DPY19L1: variants seen among roughly 807,000 people sequenced by gnomAD.
DPY19L1 encodes protein C-mannosyl-transferase DPY19L1.
DPY19L1 carries 35 observed loss-of-function variants against 96.9 expected under a neutral mutation model. The observed-to-expected ratio is 0.36, with a 90% CI of 0.28 to 0.48. The LOEUF (loss-of-function observed/expected upper bound fraction) is 0.48. DPY19L1 is among the 20% of genes least tolerant of loss of function. DPY19L1 has a pLI of 0.99. For synonymous variants in DPY19L1, 205 were observed against 252.6 expected (o/e 0.81, Z 1.79); for missense variants, 521 against 777.9 (o/e 0.67, Z 3.93).
At chr7:35,004,840 T>C (rs1785514874) in intron 6 of DPY19L1, among the ~76,000 whole-genome samples, 1 of 152,164 alleles carries the variant, frequency 6.6e-6, no homozygotes, top group Non-Finnish European at 1.5e-5. Context: ...AAAGTCCAAG[T>C]AGGCAGCAGT....
In DPY19L1 at chr7:35,033,502, T is replaced by C. The variant is rs568577589; in HGVS notation, c.298+3595A>G. On this transcript the variant is annotated intron_variant, in intron 1 of 21. Coordinates refer to ENST00000638088, the MANE Select transcript of DPY19L1 (RefSeq NM_001366673.1). Reference sequence around the variant, plus strand: ...CTGACTATGAATGAACTTACTGTGCTATTTTACATGTATTATCTCATTTAT... The same window carrying C: ...CTGACTATGAATGAACTTACTGTGCCATTTTACATGTATTATCTCATTTAT... Among the ~76,000 whole-genome samples, 18 of 152,354 alleles carry C rather than the reference T, an allele frequency of 1.2e-4. No homozygotes were observed. In the South Asian group the frequency reaches 3.7e-3, roughly 32 times the overall value.
At chr7:34,955,518 A>C in intron 11 of DPY19L1, 151 bp from the exon 12 acceptor site, 1 of 1,015,536 alleles carries the variant, frequency 9.8e-7, no homozygotes, top group Non-Finnish European at 1.4e-6. Context: ...GCTCATTTCT[A>C]GAGTCAGTGA....
rs758689468 is a variant in DPY19L1, at chr7:34,945,732, G to C, written c.1495-16C>G. On this transcript the variant is annotated splice_polypyrimidine_tract_variant and intron_variant, in intron 15 of 21. Transcript: ENST00000638088. Reference sequence around the variant, plus strand: ...CACTAATAATCTGTAAATAGATTTTGAAACACTTTAGAAAAGCTGTGTTGG... The same window carrying C: ...CACTAATAATCTGTAAATAGATTTTCAAACACTTTAGAAAAGCTGTGTTGG... 1 of 1,566,636 alleles carries C rather than the reference G, an allele frequency of 6.4e-7. No homozygotes were observed. Among genetic ancestry groups the C allele is most frequent in the Non-Finnish European group, 8.7e-7 (1 of 1,146,138 alleles).
At chr7:35,014,471 A>G (rs1172916166) in intron 3 of DPY19L1, among the ~76,000 whole-genome samples, 4 of 152,120 alleles carry the variant, frequency 2.6e-5, no homozygotes, top group Admixed American at 2.6e-4. Flanking sequence ...ACAGAAACAC[A>G]AGATAAATCT....
chr7:34,987,220 C>A (rs1290565808), intron 7 of DPY19L1, among the ~76,000 whole-genome samples: 1 of 151,988 alleles, frequency 6.6e-6, no homozygotes, highest in East Asian at 1.9e-4. Context: ...TGCAAAAATT[C>A]TCAATTGTGA....
At chr7:34,998,712 T>C (rs1049934275) in intron 6 of DPY19L1, among the ~76,000 whole-genome samples, 4 of 152,214 alleles carry the variant, frequency 2.6e-5, no homozygotes, top group African/African-American at 9.6e-5. Flanking sequence ...TAAAAGCCAC[T>C]AGTCAGTTAA....
In DPY19L1 at chr7:34,929,296, G is replaced by A. The variant is rs552888011; in HGVS notation, c.*2277C>T. 1 of 152,282 alleles carries A rather than the reference G, an allele frequency of 6.6e-6. No homozygotes were observed. The highest frequency in any genetic ancestry group is 2.4e-5 in the African/African-American group (1 of 41,538). 9.4% of individuals were successfully genotyped at this position (152,282 alleles called of 1,614,324 possible). On this transcript the variant is annotated 3_prime_UTR_variant, in exon 22 of 22. Coordinates refer to ENST00000638088, the MANE Select transcript of DPY19L1 (RefSeq NM_001366673.1). ...GGATGCTCCACAGTGCTTGGGCTGC[G>A]AGCTGTGGCCACGGCTGCATAGCAG...
At chr7:34,956,777 A>G (rs1784388166) in intron 11 of DPY19L1, among the ~76,000 whole-genome samples, 1 of 152,142 alleles carries the variant, frequency 6.6e-6, no homozygotes, top group Non-Finnish European at 1.5e-5. Flanking sequence ...TGCTGGGATT[A>G]GAGGCGTGAG....
intron 10 of DPY19L1, 132 bp downstream of exon 10, chr7:34,966,762 T>A: frequency 1.1e-6 from 1 of 884,980 alleles, no homozygotes. Flanking sequence ...CTGTTGATTA[T>A]ATCACAATGT....
chr7:34,966,856 G>T (rs752152816), intron 10 of DPY19L1, 38 bp downstream of exon 10: 5 of 1,463,724 alleles, frequency 3.4e-6, no homozygotes, highest in South Asian at 1.3e-5. Flanking sequence ...GAGTTTTAAG[G>T]GCAAACTAAA....
chr7:34,948,716 C>T (rs553324964), intron 14 of DPY19L1, among the ~76,000 whole-genome samples: 385 of 152,272 alleles, frequency 2.5e-3, no homozygotes, highest in African/African-American at 9.0e-3. Flanking sequence ...GTCTTGAACC[C>T]CTATGAACAT....
intron 8 of DPY19L1, among the ~76,000 whole-genome samples, chr7:34,972,337 C>G (rs1254864553): frequency 6.6e-6 from 1 of 152,188 alleles, no homozygotes. Flanking sequence ...ACACTACCTT[C>G]TATGGTACAG....
At chr7:34,932,229 A>C (rs150786609) in intron 21 of DPY19L1, among the ~76,000 whole-genome samples, 1 of 152,222 alleles carries the variant, frequency 6.6e-6, no homozygotes, top group African/African-American at 2.4e-5. Flanking sequence ...CATTAATTGT[A>C]TAGATGCTCC....
chr7:35,002,764 A>G (rs961152192), intron 6 of DPY19L1, among the ~76,000 whole-genome samples: 3 of 152,106 alleles, frequency 2.0e-5, no homozygotes, highest in African/African-American at 7.2e-5. Flanking sequence ...GAAGCAACCA[A>G]CAATGTTCTC....
intron 6 of DPY19L1, among the ~76,000 whole-genome samples, chr7:34,995,533 T>C (rs1785263592): frequency 6.6e-6 from 1 of 152,188 alleles, no homozygotes; most frequent in African/African-American, 2.4e-5. Context: ...AGTTCTAAAA[T>C]TTAAGAATTC....
At chr7:34,965,927 G>A (rs918486828) in intron 10 of DPY19L1, among the ~76,000 whole-genome samples, 3 of 152,014 alleles carry the variant, frequency 2.0e-5, no homozygotes, top group African/African-American at 7.2e-5. Flanking sequence ...CCCTTCTCAA[G>A]AAGACCTGCC....
Position 34,931,477 on chromosome 7 carries a change from C to T in DPY19L1, c.*96G>A, listed in dbSNP as rs1783750804. ...ACGTTTTCTATTTGAAAACAGTTAC[C>T]TATAAAAGTTTTTGGGATATGAACA... is the stretch of plus-strand genomic sequence containing the variant. On this transcript the variant is annotated 3_prime_UTR_variant, in exon 22 of 22. Transcript: ENST00000638088. 4.5e-6 allele frequency: 6 copies of T among 1,346,212 alleles called. No homozygotes were observed. The highest frequency in any genetic ancestry group is 5.8e-6 in the Non-Finnish European group (6 of 1,035,958). 83.4% of individuals were successfully genotyped at this position (1,346,212 alleles called of 1,614,324 possible).
rs1785703327 is a variant in DPY19L1, at chr7:35,011,240, A to G, written c.670+90T>C. 3 of 1,451,310 alleles carry G rather than the reference A, an allele frequency of 2.1e-6. No homozygotes were observed. In the South Asian group the frequency reaches 3.7e-5, roughly 18 times the overall value. 89.9% of individuals were successfully genotyped at this position (1,451,310 alleles called of 1,614,324 possible). On this transcript the variant is annotated intron_variant, in intron 5 of 21. Coordinates refer to ENST00000638088, the MANE Select transcript of DPY19L1 (RefSeq NM_001366673.1). Reference sequence around the variant, plus strand: ...GCATAATAAAATGGGTGTTGTTTATACCACTAAGTTTACAGTGTAAGTTTA... The same window carrying G: ...GCATAATAAAATGGGTGTTGTTTATGCCACTAAGTTTACAGTGTAAGTTTA...
chr7:34,957,126 T>C (rs1784394813), intron 11 of DPY19L1, among the ~76,000 whole-genome samples: 1 of 152,078 alleles, frequency 6.6e-6, no homozygotes, highest in African/African-American at 2.4e-5. Flanking sequence ...CTCACGCCTG[T>C]AATCCCAGCA....
Sources: gnomAD v4.1 joint callset for allele counts (sites outside exome capture counted in the v4.1 genomes callset) on GRCh38, gnomAD v4.1.1 for gene constraint, MANE v1.5 for transcripts, NCBI Gene and HGNC (gene_info 2026-07-23, HGNC 2026-07-21) for gene names.